Variants in MYO9A observed in about 807,000 individuals in gnomAD.
MYO9A encodes the protein unconventional myosin-IXa.
A neutral mutation model predicts 293.3 loss-of-function variants in MYO9A; 103 were observed. The observed-to-expected ratio is 0.35, with a 90% confidence interval of 0.30 to 0.41. The LOEUF (loss-of-function observed/expected upper bound fraction) is 0.41. MYO9A is among the 10% of genes least tolerant of loss of function. The probability of loss-of-function intolerance (pLI) is 1.00; values close to 1 mark genes in which losing one functional copy is unlikely to be tolerated. For missense variants in MYO9A, 2,685 were observed against 3,033.0 expected (o/e 0.89, Z 2.69); for synonymous variants, 1,001 against 1,035.7 (o/e 0.97, Z 0.64).
At chr15:71,876,101 C>T (rs1487949731) in intron 31 of MYO9A, among the ~76,000 whole-genome samples, 1 of 151,906 alleles carries the variant, frequency 6.6e-6, no homozygotes, top group Non-Finnish European at 1.5e-5. Flanking sequence ...GCCCAGAAGC[C>T]ACCGCCATAT....
intron 1 of MYO9A, among the ~76,000 whole-genome samples, chr15:72,099,789 C>T (rs2080206706): frequency 6.6e-6 from 1 of 150,984 alleles, no homozygotes; most frequent in Non-Finnish European, 1.5e-5. Flanking sequence ...GTAGTCCCAG[C>T]TACTCAGGAG....
intron 1 of MYO9A, among the ~76,000 whole-genome samples, chr15:72,068,818 T>C (rs1177022780): frequency 2.0e-5 from 3 of 152,022 alleles, no homozygotes; most frequent in Non-Finnish European, 1.5e-5. Flanking sequence ...TTAGCACAAA[T>C]AAGAACCATG....
intron 1 of MYO9A, among the ~76,000 whole-genome samples, chr15:72,100,580 A>G (rs1282136879): frequency 2.2e-5 from 3 of 138,546 alleles, no homozygotes; most frequent in African/African-American, 2.8e-5. Context: ...GCCGCCCATC[A>G]TCTGAGATGT....
chr15:71,940,195 G>GT, intron 15 of MYO9A, among the ~76,000 whole-genome samples: 1 of 152,234 alleles, frequency 6.6e-6, no homozygotes, highest in South Asian at 2.1e-4. Context: ...TCTTTGTGCT[G>GT]TTTAAATCAT....
chr15:71,968,789 T>C (rs933528941), intron 12 of MYO9A, among the ~76,000 whole-genome samples: 1 of 152,146 alleles, frequency 6.6e-6, no homozygotes, highest in South Asian at 2.1e-4. Flanking sequence ...AAGACTGTGA[T>C]GTTAAAGGTT....
intron 1 of MYO9A, among the ~76,000 whole-genome samples, chr15:72,092,574 G>A (rs1466973914): frequency 6.6e-6 from 1 of 151,872 alleles, no homozygotes; most frequent in Non-Finnish European, 1.5e-5. Flanking sequence ...GGCAACAGAG[G>A]GAGACTGTCT....
At chr15:71,968,187 T>G in intron 12 of MYO9A, 62 bp from the exon 13 acceptor site, 1 of 1,363,040 alleles carries the variant, frequency 7.3e-7, no homozygotes, top group Non-Finnish European at 9.8e-7. Flanking sequence ...CGGTAATTAG[T>G]ACAGCCCTTT....
chr15:72,028,218 A>AATAAATATATATATAT (rs1555408276), intron 3 of MYO9A, among the ~76,000 whole-genome samples: 1 of 134,256 alleles, frequency 7.4e-6, no homozygotes, highest in African/African-American at 2.7e-5. Context: ...TAAATAAATA[A>AATAAATATATATATAT]ATATATATAT....
chr15:72,017,981 C>T (rs1725197087), intron 6 of MYO9A, among the ~76,000 whole-genome samples: 1 of 151,876 alleles, frequency 6.6e-6, no homozygotes, highest in South Asian at 2.1e-4. Context: ...AATCCCAGCA[C>T]TTTGACAGGC....
At chr15:71,834,535 G>A (rs138125666) in intron 39 of MYO9A, among the ~76,000 whole-genome samples, 2 of 152,276 alleles carry the variant, frequency 1.3e-5, no homozygotes, top group East Asian at 1.9e-4. Context: ...ACTTTGGGAG[G>A]CTGAGGCAGG....
chr15:72,111,503 T>A (rs904606523), intron 1 of MYO9A, among the ~76,000 whole-genome samples: 11 of 150,870 alleles, frequency 7.3e-5, no homozygotes, highest in African/African-American at 2.2e-4. Context: ...AAAAAAAAAT[T>A]AATAAATAAA....
chr15:72,104,097 T>A (rs1044171767), intron 1 of MYO9A, among the ~76,000 whole-genome samples: 2 of 152,306 alleles, frequency 1.3e-5, no homozygotes, highest in Middle Eastern at 6.8e-3. Flanking sequence ...AAATTTTGAA[T>A]TTTTATCTTT....
chr15:72,099,434 A>AG lies in MYO9A; in HGVS notation c.-72+18245_-72+18246insC, dbSNP rs1185957600. 5.2e-3 allele frequency among the ~76,000 whole-genome samples: 777 copies of AG among 149,542 alleles called. 14 individuals carry two copies. Among genetic ancestry groups the AG allele is most frequent in the African/African-American group, 0.018 (734 of 40,892 alleles). On this transcript the variant is annotated intron_variant, in intron 1 of 41. Transcript: ENST00000356056. ...CAAGACCCTGCCCCAAAAAAAAAAA[A>AG]AAAAAAAAGAAAAAAAAATTAGCCA...
intron 1 of MYO9A, among the ~76,000 whole-genome samples, chr15:72,101,771 T>C (rs2080341115): frequency 2.2e-5 from 3 of 133,610 alleles, no homozygotes; most frequent in African/African-American, 8.5e-5. Flanking sequence ...TACTGGGAAG[T>C]GAGGAGCCCC....
intron 33 of MYO9A, among the ~76,000 whole-genome samples, chr15:71,861,079 T>A (rs2141718340): frequency 6.7e-6 from 1 of 150,264 alleles, no homozygotes; most frequent in East Asian, 2.0e-4. Flanking sequence ...CCTACAAGAA[T>A]CATAGTTACA....
intron 25 of MYO9A, among the ~76,000 whole-genome samples, chr15:71,896,113 C>A (rs1291618805): frequency 1.3e-5 from 2 of 152,162 alleles, no homozygotes; most frequent in African/African-American, 2.4e-5. Flanking sequence ...ATACTTAAAA[C>A]TGTCATTAAG....
intron 11 of MYO9A, among the ~76,000 whole-genome samples, chr15:71,981,780 T>A (rs2076279227): frequency 6.6e-6 from 1 of 151,858 alleles, no homozygotes; most frequent in South Asian, 2.1e-4. Context: ...TTTTATTAAT[T>A]TCCTCTTTTA....
intron 1 of MYO9A, among the ~76,000 whole-genome samples, chr15:72,113,411 C>T (rs545921244): frequency 5.3e-5 from 8 of 152,228 alleles, no homozygotes; most frequent in African/African-American, 1.9e-4. Context: ...AAGCACATTA[C>T]CTGAGAGGAA....
In MYO9A at chr15:71,824,185, G is replaced by A. The variant is rs1334419110; in HGVS notation, c.*2395C>T. On this transcript the variant is annotated 3_prime_UTR_variant, in exon 42 of 42. Coordinates refer to ENST00000356056, the MANE Select transcript of MYO9A (RefSeq NM_006901.4). The stretch of plus-strand genomic sequence containing the variant: ...AAATTACTAGAAATCCACAAATCTA[G>A]CAACTGAAAAAACAAGTTTTTTTAA... 1 of 152,066 alleles carries A rather than the reference G, an allele frequency of 6.6e-6. No individual in the cohort carries two copies. The highest frequency in any genetic ancestry group is 1.5e-5 in the Non-Finnish European group (1 of 67,996). The allele number at this position is 152,066 out of a possible 1,614,324, so 9.4% of individuals were successfully genotyped here. A position where few individuals can be genotyped will look rare whatever the true frequency, so the allele number is the denominator to read the frequency against.
Sources: allele counts gnomAD v4.1 joint callset (sites outside exome capture counted in the v4.1 genomes callset), GRCh38; gene constraint gnomAD v4.1.1; transcripts MANE v1.5; gene names NCBI Gene and HGNC (gene_info 2026-07-23, HGNC 2026-07-21).